Variants in DOCK11 observed in about 807,000 individuals in gnomAD.
DOCK11 encodes the protein dedicator of cytokinesis protein 11.
Under a neutral mutation model 169.1 loss-of-function variants are expected in DOCK11, and 70 were observed. The ratio of observed to expected loss-of-function variants is 0.41; its 90% CI spans 0.34 to 0.51. DOCK11 has a LOEUF of 0.51. DOCK11 is among the 20% of genes least tolerant of loss of function. The pLI is 0.10. For missense variants in DOCK11, 1,166 were observed against 1,538.8 expected, an observed-to-expected ratio of 0.76 and a Z score of 4.05; for synonymous variants, 529 against 541.3, an observed-to-expected ratio of 0.98 and a Z score of 0.32.
At position 118,545,271 on chromosome X, in the gene DOCK11, C is replaced by CT. The variant is rs55694052; in HGVS notation, c.393-41dup. 5.4e-3 allele frequency: 3,859 copies of CT among 715,041 alleles called. 1 individual carries two copies. Among genetic ancestry groups the CT allele is most frequent in the Non-Finnish European group, 5.8e-3 (2,970 of 514,641 alleles). 58.9% of individuals were successfully genotyped at this position (715,041 alleles called of 1,213,427 possible). On this transcript the variant is annotated intron_variant, in intron 4 of 52. Coordinates refer to ENST00000276202, the MANE Select transcript of DOCK11 (RefSeq NM_144658.4). ...ATTGTTGTGTTTTTGTGTTGTTTTT[C>CT]TTTTTTTTTTTGGTCTTTTTAGTGT...
intron 4 of DOCK11, among the ~76,000 whole-genome samples, 159 bp downstream of exon 4, chrX:118,543,752 C>T (rs1344777387): frequency 3.6e-5 from 4 of 112,000 alleles, no homozygotes; most frequent in Non-Finnish European, 7.5e-5. Flanking sequence ...AGATCGAGAC[C>T]ATCCTGGCTA....
intron 26 of DOCK11, among the ~76,000 whole-genome samples, chrX:118,609,013 G>A (rs751593934): frequency 3.6e-5 from 4 of 111,756 alleles, no homozygotes; most frequent in Non-Finnish European, 7.5e-5. Flanking sequence ...CCACTTGAGG[G>A]CAATTAGAAA....
At chrX:118,542,515 TG>T (rs1357573511) in intron 1 of DOCK11, among the ~76,000 whole-genome samples, 28 of 63,731 alleles carry the variant, frequency 4.4e-4, no homozygotes, top group African/African-American at 1.7e-3. Context: ...TGTGTGTGTG[TG>T]TGTTTGTGTG....
chrX:118,541,783 A>G (rs1038907371), intron 1 of DOCK11, among the ~76,000 whole-genome samples: 2 of 112,171 alleles, frequency 1.8e-5, no homozygotes, highest in Non-Finnish European at 3.8e-5. Flanking sequence ...TGGCTTTCTT[A>G]GCATCACTGA....
intron 1 of DOCK11, among the ~76,000 whole-genome samples, chrX:118,503,446 G>A (rs190944165): frequency 1.8e-5 from 2 of 111,947 alleles, no homozygotes; most frequent in Non-Finnish European, 3.8e-5. Flanking sequence ...AACAGGATTT[G>A]GTGATTCTTA....
At chrX:118,553,702 A>G (rs1223500221) in intron 6 of DOCK11, among the ~76,000 whole-genome samples, 1 of 111,917 alleles carries the variant, frequency 8.9e-6, no homozygotes, top group Non-Finnish European at 1.9e-5. Context: ...CTAAGAAAGC[A>G]CATACAATAT....
At chrX:118,540,370 A>T (rs892397234) in intron 1 of DOCK11, among the ~76,000 whole-genome samples, 2 of 111,637 alleles carry the variant, frequency 1.8e-5, no homozygotes, top group African/African-American at 6.5e-5. Context: ...TGGAAGATGC[A>T]GTCAGTTTCC....
At chrX:118,556,189 T>C (rs2012687027) in intron 6 of DOCK11, among the ~76,000 whole-genome samples, 2 of 107,895 alleles carry the variant, frequency 1.9e-5, no homozygotes, top group African/African-American at 6.8e-5. Context: ...GGATTACAGG[T>C]GTGCACCACC....
chrX:118,671,043 A>G lies in DOCK11; in HGVS notation c.5097A>G (p.Leu1699=). The change falls in exon 46 of 53, where the codon CTA becomes CTG. Residue 1699 remains leucine, a synonymous_variant. Coordinates refer to ENST00000276202, the MANE Select transcript of DOCK11 (RefSeq NM_144658.4). ...HYSEEVLLEL[L]EQCVDGLWKA... ...TGCAGGAGGTCTTGCTGGAGTTGCT[A>G]GAACAATGTGTGGATGGCTTATGGA... 8.3e-7 allele frequency: 1 copy of G among 1,198,430 alleles called. No individual in the cohort carries two copies. Among genetic ancestry groups the G allele is most frequent in the Non-Finnish European group, 1.1e-6 (1 of 887,340 alleles).
intron 31 of DOCK11, among the ~76,000 whole-genome samples, chrX:118,620,482 T>G (rs1016952271): frequency 8.9e-6 from 1 of 111,978 alleles, no homozygotes; most frequent in Non-Finnish European, 1.9e-5. Context: ...TTGCTAGTTT[T>G]CTTCATGTGA....
At chrX:118,647,803 A>AT (rs1326965493) in intron 40 of DOCK11, among the ~76,000 whole-genome samples, 3 of 44,173 alleles carry the variant, frequency 6.8e-5, no homozygotes, top group African/African-American at 3.2e-4. Flanking sequence ...TATAATATAT[A>AT]ATAATATATA....
intron 1 of DOCK11, among the ~76,000 whole-genome samples, chrX:118,511,033 T>C (rs1266956359): frequency 8.9e-6 from 1 of 112,479 alleles, no homozygotes; most frequent in Admixed American, 9.4e-5. Flanking sequence ...ATGTCCATGA[T>C]GTGTCTGATG....
At chrX:118,603,325 G>A (rs1472867999) in intron 23 of DOCK11, among the ~76,000 whole-genome samples, 1 of 112,502 alleles carries the variant, frequency 8.9e-6, no homozygotes, top group Non-Finnish European at 1.9e-5. Context: ...CTCTTTGTTC[G>A]TGGTAGTTTG....
rs2015867957 is a variant in DOCK11, at chrX:118,648,606, AAT to A, written c.4399-333_4399-332del. ...AAATATATAATATATATAATATATT[AAT>A]ATATAATATATAATACATATATAAT... On this transcript the variant is annotated intron_variant, in intron 40 of 52. Transcript: ENST00000276202. Among the ~76,000 whole-genome samples the A allele has an allele frequency of 5.1e-5, 5 of 97,493 alleles. No homozygotes were observed. The South Asian group carries it at 1.5e-3, about 30-fold the overall frequency. 84.7% of individuals were successfully genotyped at this position (97,493 alleles called of 115,157 possible). A position where few individuals can be genotyped will look rare whatever the true frequency, so the allele number is the denominator to read the frequency against.
intron 40 of DOCK11, among the ~76,000 whole-genome samples, chrX:118,645,937 TCCCA>T (rs1447833858): frequency 9.8e-6 from 1 of 101,591 alleles, no homozygotes; most frequent in Non-Finnish European, 2.0e-5. Context: ...GTGCCTGTAG[TCCCA>T]GCTACACGGG....
At chrX:118,571,796 C>T (rs2013282595) in intron 10 of DOCK11, among the ~76,000 whole-genome samples, 2 of 111,775 alleles carry the variant, frequency 1.8e-5, no homozygotes, top group South Asian at 7.5e-4. Context: ...AGGGAGTGTG[C>T]AGTTTTCTAT....
At chrX:118,647,518 AAT>A (rs1238680972) in intron 40 of DOCK11, among the ~76,000 whole-genome samples, 1 of 64,924 alleles carries the variant, frequency 1.5e-5, no homozygotes, top group Admixed American at 2.4e-4. Context: ...ATAATAATAT[AAT>A]ATATAATATA....
At chrX:118,498,476 ACTCT>A (rs966715706) in intron 1 of DOCK11, among the ~76,000 whole-genome samples, 9 of 111,953 alleles carry the variant, frequency 8.0e-5, no homozygotes, top group African/African-American at 2.6e-4. Flanking sequence ...CTCCTAAATG[ACTCT>A]CTCTCACAAA....
chrX:118,532,961 T>TTTTA (rs1232955755), intron 1 of DOCK11, among the ~76,000 whole-genome samples: 17 of 111,170 alleles, frequency 1.5e-4, no homozygotes, highest in Middle Eastern at 4.6e-3. Context: ...TTTACATAGC[T>TTTTA]TTTATTTATT....
Sources: allele counts gnomAD v4.1 joint callset (sites outside exome capture counted in the v4.1 genomes callset), GRCh38; gene constraint gnomAD v4.1.1; transcripts MANE v1.5; gene names NCBI Gene and HGNC (gene_info 2026-07-23, HGNC 2026-07-21).